MED13L: variants seen among roughly 807,000 people sequenced by gnomAD.
The protein encoded by MED13L is mediator of RNA polymerase II transcription subunit 13-like.
Under a neutral mutation model 220.9 loss-of-function variants are expected in MED13L, and 7 were observed. That is an observed-to-expected ratio of 0.03 (90% CI 0.02 to 0.06). The LOEUF is 0.06. MED13L is among the 10% of genes least tolerant of loss of function. The pLI, the probability that MED13L is intolerant of heterozygous loss-of-function variation, is 1.00. For missense variants in MED13L, 1,965 were observed against 2,760.5 expected (o/e 0.71, Z 6.46); for synonymous variants, 1,011 against 1,015.2 (o/e 1.00, Z 0.08).
chr12:116,164,132 G>A (rs139561239), intron 2 of MED13L, among the ~76,000 whole-genome samples: 7 of 152,258 alleles, frequency 4.6e-5, no homozygotes, highest in Non-Finnish European at 1.0e-4. Context: ...TTCAATGCTT[G>A]CTGCTCTTCA....
intron 2 of MED13L, among the ~76,000 whole-genome samples, chr12:116,222,923 T>C (rs538611870): frequency 2.0e-5 from 3 of 152,366 alleles, no homozygotes; most frequent in Non-Finnish European, 2.9e-5. Context: ...TACAATCTCA[T>C]TTTATCATGT....
chr12:116,171,433 A>AATAAATTTCTGCC (rs1360785906), intron 2 of MED13L, among the ~76,000 whole-genome samples: 3 of 152,238 alleles, frequency 2.0e-5, no homozygotes, highest in Non-Finnish European at 4.4e-5. Flanking sequence ...AATAACATGA[A>AATAAATTTCTGCC]ATAAATTTCT....
intron 2 of MED13L, among the ~76,000 whole-genome samples, chr12:116,158,383 CA>C (rs541396248): frequency 2.3e-4 from 35 of 152,184 alleles, no homozygotes; most frequent in African/African-American, 7.9e-4. Flanking sequence ...AATTAGTATT[CA>C]AAGAAAATAT....
chr12:116,037,932 T>C (rs2137529133), intron 4 of MED13L, among the ~76,000 whole-genome samples: 1 of 152,232 alleles, frequency 6.6e-6, no homozygotes, highest in South Asian at 2.1e-4. Context: ...CAGTGATGCG[T>C]GCTTGAAAAA....
chr12:116,221,476 A>C (rs1868434141), intron 2 of MED13L, among the ~76,000 whole-genome samples: 1 of 152,172 alleles, frequency 6.6e-6, no homozygotes, highest in South Asian at 2.1e-4. Context: ...TTACACTGCA[A>C]GATTGATTAC....
At chr12:116,121,802 T>C (rs1244832728) in intron 2 of MED13L, among the ~76,000 whole-genome samples, 4 of 152,148 alleles carry the variant, frequency 2.6e-5, no homozygotes, top group African/African-American at 9.7e-5. Flanking sequence ...TGAAACCTAT[T>C]ATCCAGAACA....
intron 20 of MED13L, 68 bp from the exon 21 acceptor site, chr12:115,983,608 GA>G: frequency 6.5e-7 from 1 of 1,527,682 alleles, no homozygotes; most frequent in Non-Finnish European, 9.0e-7. Flanking sequence ...CCAGAATCTA[GA>G]ATGGTCACTT....
chr12:116,008,711 T>G lies in MED13L; in HGVS notation c.1702A>C (p.Thr568Pro). 1 of 1,613,998 alleles carries G rather than the reference T, an allele frequency of 6.2e-7. No homozygotes were observed. Among genetic ancestry groups the G allele is most frequent in the Non-Finnish European group, 8.5e-7 (1 of 1,179,974 alleles). Residue 568 changes from threonine to proline, a missense_variant, in exon 10 of 31, where the codon ACA (threonine) becomes CCA (proline). Thr to Pro is a conservative substitution (Grantham distance 38). Transcript: ENST00000281928. ...ACCGATGGTGGGTCCAAACTCTCTG[T>G]TTCCTGACCTCGTGGCTGAGGGCTG... ...TLSPQPRGQE[T>P]ESLDPPSVPV...
intron 29 of MED13L, among the ~76,000 whole-genome samples, chr12:115,963,936 A>C (rs1875954076): frequency 6.6e-6 from 1 of 152,168 alleles, no homozygotes. Flanking sequence ...CATTAAAAAA[A>C]AATAGCTGGG....
intron 4 of MED13L, among the ~76,000 whole-genome samples, chr12:116,087,384 TAA>T (rs1373745159): frequency 6.6e-6 from 1 of 152,170 alleles, no homozygotes; most frequent in African/African-American, 2.4e-5. Context: ...AAAAAAAGTG[TAA>T]AGTCAACCAA....
At chr12:115,974,409 T>C (rs1314170048) in intron 25 of MED13L, among the ~76,000 whole-genome samples, 1 of 152,222 alleles carries the variant, frequency 6.6e-6, no homozygotes, top group Admixed American at 6.5e-5. Flanking sequence ...AAATCTGTCA[T>C]TACTTAATAA....
chr12:116,201,204 T>A (rs1881985744), intron 2 of MED13L, among the ~76,000 whole-genome samples: 1 of 152,118 alleles, frequency 6.6e-6, no homozygotes, highest in South Asian at 2.1e-4. Context: ...AAGTCCTCTA[T>A]CCCAAATTGA....
At chr12:115,984,881 A>T (rs1310149844) in intron 19 of MED13L, among the ~76,000 whole-genome samples, 2 of 151,724 alleles carry the variant, frequency 1.3e-5, no homozygotes, top group Non-Finnish European at 2.9e-5. Context: ...TTTTTTTTTA[A>T]AGTAAATAGG....
At chr12:116,271,789 G>A (rs1873378030) in intron 1 of MED13L, among the ~76,000 whole-genome samples, 1 of 152,038 alleles carries the variant, frequency 6.6e-6, no homozygotes, top group African/African-American at 2.4e-5. Context: ...GCAATGCACA[G>A]TTCAATAACA....
chr12:115,992,529 C>A (rs1297006466), intron 16 of MED13L, among the ~76,000 whole-genome samples: 1 of 152,090 alleles, frequency 6.6e-6, no homozygotes, highest in East Asian at 1.9e-4. Flanking sequence ...AAAATGCAGC[C>A]CTATCTAGGC....
intron 11 of MED13L, 106 bp downstream of exon 11, chr12:116,007,305 G>C: frequency 2.0e-6 from 2 of 1,012,516 alleles, no homozygotes; most frequent in Non-Finnish European, 1.6e-6. Flanking sequence ...AGAGCAATCA[G>C]GCAAGACTAT....
intron 2 of MED13L, among the ~76,000 whole-genome samples, chr12:116,216,077 T>C (rs906292529): frequency 1.3e-5 from 2 of 152,218 alleles, no homozygotes; most frequent in Non-Finnish European, 2.9e-5. Flanking sequence ...ATTCTAGCTA[T>C]GATCTATACT....
intron 4 of MED13L, among the ~76,000 whole-genome samples, chr12:116,029,142 TA>T (rs1880571828): frequency 2.0e-5 from 3 of 148,194 alleles, no homozygotes; most frequent in Admixed American, 6.8e-5. Flanking sequence ...AGAAATGAGA[TA>T]AAACTTTTCT....
chr12:116,026,387 G>C (rs1880394872), intron 4 of MED13L, among the ~76,000 whole-genome samples: 1 of 152,130 alleles, frequency 6.6e-6, no homozygotes, highest in Non-Finnish European at 1.5e-5. Context: ...CCTTTTAAAA[G>C]AGGCACTGAA....
Sources: gnomAD v4.1 joint callset for allele counts (sites outside exome capture counted in the v4.1 genomes callset) on GRCh38, gnomAD v4.1.1 for gene constraint, MANE v1.5 for transcripts, NCBI Gene and HGNC (gene_info 2026-07-23, HGNC 2026-07-21) for gene names.